FIGN: variants seen among roughly 807,000 people sequenced by gnomAD.
FIGN encodes the protein fidgetin, microtubule severing factor.
FIGN carries 11 observed loss-of-function variants against 51.3 expected under a neutral mutation model. The ratio of observed to expected loss-of-function variants is 0.21; its 90% CI spans 0.13 to 0.35. The LOEUF is 0.35. Among genes scored for constraint, FIGN ranks in the 10% least tolerant of loss-of-function variants. The pLI, the probability that FIGN is intolerant of heterozygous loss-of-function variation, is 1.00. For missense variants in FIGN, 857 were observed against 943.6 expected, an observed-to-expected ratio of 0.91 and a Z score of 1.20; for synonymous variants, 407 against 363.2, an observed-to-expected ratio of 1.12 and a Z score of -1.37.
Position 163,610,644 on chromosome 2 carries a change from A to G in FIGN, c.1188T>C (p.Ser396=), listed in dbSNP as rs531221279. Residue 396 remains serine, a synonymous_variant, in exon 3 of 3, where the codon AGT becomes AGC. Coordinates refer to ENST00000333129, the MANE Select transcript of FIGN (RefSeq NM_018086.4). ...EQQRKFSSQS[S]RALTPPSYST... ...TGTAGGAAGGAGGGGTCAGAGCCCTACTGGACTGGCTGCTGAATTTCCTTT... is the reference window on the plus strand; with the variant it reads ...TGTAGGAAGGAGGGGTCAGAGCCCTGCTGGACTGGCTGCTGAATTTCCTTT... 6 of 1,614,190 alleles carry G rather than the reference A, an allele frequency of 3.7e-6. No individual in the cohort carries two copies. In the East Asian group the frequency reaches 1.1e-4, roughly 30 times the overall value.
At chr2:163,711,998 C>T (rs1040287049) in intron 2 of FIGN, among the ~76,000 whole-genome samples, 36 of 152,044 alleles carry the variant, frequency 2.4e-4, no homozygotes, top group African/African-American at 8.5e-4. Context: ...TGAACACACA[C>T]GTACACACAC....
At chr2:163,665,271 C>T (rs192398438) in intron 2 of FIGN, among the ~76,000 whole-genome samples, 1 of 152,368 alleles carries the variant, frequency 6.6e-6, no homozygotes, top group Non-Finnish European at 1.5e-5. Flanking sequence ...CATCCATAGC[C>T]TTGCGGCTTA....
chr2:163,633,307 C>T (rs1683175351), intron 2 of FIGN, among the ~76,000 whole-genome samples: 1 of 152,122 alleles, frequency 6.6e-6, no homozygotes, highest in Non-Finnish European at 1.5e-5. Flanking sequence ...AACTTTTGTT[C>T]CACTTTCTAC....
At chr2:163,726,884 AAAG>A (rs201544592) in intron 2 of FIGN, among the ~76,000 whole-genome samples, 472 of 152,218 alleles carry the variant, frequency 3.1e-3, no homozygotes, top group African/African-American at 0.011. Context: ...ATTAAGCATA[AAAG>A]AATAATAGTA....
chr2:163,614,315 A>G (rs1315204941), intron 2 of FIGN, among the ~76,000 whole-genome samples: 1 of 152,162 alleles, frequency 6.6e-6, no homozygotes, highest in Non-Finnish European at 1.5e-5. Context: ...CATTAAATTC[A>G]ACTGGAAATT....
At chr2:163,734,557 CAAAA>C (rs34286375) in intron 2 of FIGN, among the ~76,000 whole-genome samples, 18 of 102,872 alleles carry the variant, frequency 1.7e-4, no homozygotes, top group East Asian at 6.1e-4. Context: ...CTCCCTCCTT[CAAAA>C]AAAAAAAAAA....
At chr2:163,676,928 G>T (rs1391756646) in intron 2 of FIGN, among the ~76,000 whole-genome samples, 1 of 152,080 alleles carries the variant, frequency 6.6e-6, no homozygotes, top group Non-Finnish European at 1.5e-5. Context: ...TATTAATAAA[G>T]GCAGTAACTG....
Position 163,628,279 on chromosome 2 carries a change from G to C in FIGN, c.26-16473C>G, listed in dbSNP as rs137940823. 3.1e-3 allele frequency among the ~76,000 whole-genome samples: 469 copies of C among 152,294 alleles called. 2 individuals are homozygous for C. The highest frequency in any genetic ancestry group is 5.0e-3 in the Non-Finnish European group (341 of 68,008). Reference sequence around the variant, plus strand: ...TACAGAGGAGCTAATAGTTGAGGTAGATCTTGGACATTGAATAGAACTTCC... The same window carrying C: ...TACAGAGGAGCTAATAGTTGAGGTACATCTTGGACATTGAATAGAACTTCC... On this transcript the variant is annotated intron_variant, in intron 2 of 2. Coordinates refer to ENST00000333129, the MANE Select transcript of FIGN (RefSeq NM_018086.4).
intron 2 of FIGN, among the ~76,000 whole-genome samples, chr2:163,676,473 A>ATC (rs1683970492): frequency 9.2e-6 from 1 of 108,926 alleles, no homozygotes; most frequent in East Asian, 3.0e-4. Context: ...ATATATATAT[A>ATC]TATATATATA....
At chr2:163,648,482 T>G (rs2105320269) in intron 2 of FIGN, among the ~76,000 whole-genome samples, 1 of 152,352 alleles carries the variant, frequency 6.6e-6, no homozygotes, top group South Asian at 2.1e-4. Context: ...TAATGACTTT[T>G]AAAACATGGG....
intron 2 of FIGN, among the ~76,000 whole-genome samples, chr2:163,665,078 T>A (rs1025613604): frequency 6.6e-6 from 1 of 152,258 alleles, no homozygotes. Context: ...TATTTTTTTA[T>A]CCACTCCAGG....
intron 2 of FIGN, among the ~76,000 whole-genome samples, chr2:163,664,055 C>T (rs1023656336): frequency 6.6e-6 from 1 of 152,040 alleles, no homozygotes; most frequent in Admixed American, 6.6e-5. Flanking sequence ...TATACTCATC[C>T]TGAAAATGGG....
In FIGN at chr2:163,734,947, A is replaced by C. The variant is rs1573981513; in HGVS notation, c.-20T>G. 2 of 1,611,278 alleles carry C rather than the reference A, an allele frequency of 1.2e-6. No individual in the cohort carries two copies. The highest frequency in any genetic ancestry group is 2.7e-5 in the African/African-American group (2 of 74,770). ...GATCATTTCTTGCTGGCAGCACAAA[A>C]AGCTGAATTGGATTTCTCACAAGCA... is the stretch of plus-strand genomic sequence containing the variant. On this transcript the variant is annotated 5_prime_UTR_variant, in exon 2 of 3. Coordinates refer to ENST00000333129, the MANE Select transcript of FIGN (RefSeq NM_018086.4).
chr2:163,675,942 G>A (rs1314264358), intron 2 of FIGN, among the ~76,000 whole-genome samples: 3 of 151,352 alleles, frequency 2.0e-5, no homozygotes, highest in African/African-American at 7.3e-5. Flanking sequence ...TGGGAGAGCT[G>A]GAGGGAGGGG....
At chr2:163,629,787 C>T (rs1300699589) in intron 2 of FIGN, among the ~76,000 whole-genome samples, 1 of 151,658 alleles carries the variant, frequency 6.6e-6, no homozygotes, top group Non-Finnish European at 1.5e-5. Context: ...AATCCTTGCT[C>T]TAGGCTGAGG....
At chr2:163,631,038 G>A (rs1275057019) in intron 2 of FIGN, among the ~76,000 whole-genome samples, 2 of 152,094 alleles carry the variant, frequency 1.3e-5, no homozygotes, top group African/African-American at 2.4e-5. Context: ...TTTCCTTTGA[G>A]TTTACGAGTT....
chr2:163,623,184 T>A (rs1000111852), intron 2 of FIGN, among the ~76,000 whole-genome samples: 1 of 151,908 alleles, frequency 6.6e-6, no homozygotes, highest in African/African-American at 2.4e-5. Flanking sequence ...AAAAACTGTT[T>A]TTATCCTAAA....
intron 2 of FIGN, among the ~76,000 whole-genome samples, chr2:163,631,752 G>C (rs1396256213): frequency 6.6e-6 from 1 of 152,178 alleles, no homozygotes; most frequent in African/African-American, 2.4e-5. Flanking sequence ...GAACAGGGAA[G>C]GTAATTTATT....
Position 163,685,115 on chromosome 2 carries a change from G to T in FIGN, c.25+49788C>A, listed in dbSNP as rs183270931. Among the ~76,000 whole-genome samples, 4 of 152,122 alleles carry T rather than the reference G, an allele frequency of 2.6e-5. No individual in the cohort carries two copies. In the East Asian group the frequency reaches 7.8e-4, roughly 30 times the overall value. ...TAACTTTCTTTAAGGTTGGGTCCAT[G>T]ATGACTAGAAGAGTCATATTTCCTA... On this transcript the variant is annotated intron_variant, in intron 2 of 2. Coordinates refer to ENST00000333129, the MANE Select transcript of FIGN (RefSeq NM_018086.4).
Sources: gnomAD v4.1 joint callset for allele counts (sites outside exome capture counted in the v4.1 genomes callset) on GRCh38, gnomAD v4.1.1 for gene constraint, MANE v1.5 for transcripts, NCBI Gene and HGNC (gene_info 2026-07-23, HGNC 2026-07-21) for gene names.